NYAP2: variants seen among roughly 807,000 people sequenced by gnomAD.
The protein encoded by NYAP2 is neuronal tyrosine-phosphorylated phosphoinositide-3-kinase adapter 2.
In NYAP2, 23 loss-of-function variants were observed where a neutral mutation model predicts 50.4. That is an observed-to-expected ratio of 0.46 (90% CI 0.33 to 0.65). NYAP2 has a LOEUF of 0.65. NYAP2 is among the 30% of genes least tolerant of loss of function. NYAP2 has a pLI of 0.02. For missense variants in NYAP2, 885 were observed against 861.0 expected (o/e 1.03, Z -0.35); for synonymous variants, 394 against 365.2 (o/e 1.08, Z -0.90).
intron 3 of NYAP2, among the ~76,000 whole-genome samples, chr2:225,411,716 G>C (rs1695044480): frequency 6.6e-6 from 1 of 152,042 alleles, no homozygotes; most frequent in African/African-American, 2.4e-5. Flanking sequence ...AACCACAAAG[G>C]AGTATGATGC....
chr2:225,411,919 A>G (rs980513692), intron 3 of NYAP2, among the ~76,000 whole-genome samples: 2 of 151,280 alleles, frequency 1.3e-5, no homozygotes, highest in Non-Finnish European at 2.9e-5. Flanking sequence ...AAGGATTTGA[A>G]GCATAATATA....
At chr2:225,453,131 A>G (rs528304512) in intron 3 of NYAP2, among the ~76,000 whole-genome samples, 2 of 152,212 alleles carry the variant, frequency 1.3e-5, no homozygotes, top group Non-Finnish European at 2.9e-5. Context: ...TTAAAATCTT[A>G]CCAATGATTT....
chr2:225,451,413 AT>A (rs1304079283), intron 3 of NYAP2, among the ~76,000 whole-genome samples: 2 of 152,202 alleles, frequency 1.3e-5, no homozygotes, highest in African/African-American at 4.8e-5. Flanking sequence ...ACAAAAAATA[AT>A]TTCATTGCAG....
At chr2:225,490,280 T>A (rs937085739) in intron 3 of NYAP2, among the ~76,000 whole-genome samples, 4 of 152,156 alleles carry the variant, frequency 2.6e-5, no homozygotes, top group Non-Finnish European at 5.9e-5. Context: ...CCATTCCACA[T>A]GCAATATTGT....
At chr2:225,584,508 A>G (rs1692357375) in intron 5 of NYAP2, among the ~76,000 whole-genome samples, 1 of 152,250 alleles carries the variant, frequency 6.6e-6, no homozygotes, top group African/African-American at 2.4e-5. Context: ...GTAGGCACCT[A>G]AGCTGATAAT....
At chr2:225,554,321 C>CTT (rs751259949) in intron 4 of NYAP2, among the ~76,000 whole-genome samples, 35 of 131,638 alleles carry the variant, frequency 2.7e-4, no homozygotes, top group African/African-American at 7.0e-4. Flanking sequence ...AAACATTTAT[C>CTT]TTTTTTTTTT....
intron 4 of NYAP2, among the ~76,000 whole-genome samples, chr2:225,555,865 A>T (rs1242200165): frequency 6.6e-6 from 1 of 152,166 alleles, no homozygotes; most frequent in African/African-American, 2.4e-5. Flanking sequence ...CTTCAGTTCC[A>T]TTCACTTTGG....
intron 4 of NYAP2, among the ~76,000 whole-genome samples, chr2:225,534,838 A>G (rs952571110): frequency 6.6e-6 from 1 of 152,238 alleles, no homozygotes; most frequent in African/African-American, 2.4e-5. Flanking sequence ...ACTAACTCCC[A>G]GGGCTGAGTC....
chr2:225,582,607 A>T lies in NYAP2; in HGVS notation c.1190A>T (p.Gln397Leu). 6.3e-7 allele frequency: 1 copy of T among 1,594,378 alleles called. No homozygotes were observed. Among genetic ancestry groups the T allele is most frequent in the South Asian group, 1.1e-5 (1 of 87,786 alleles). The change falls in exon 5 of 7, where the codon CAG becomes CTG. Residue 397 changes from glutamine (Q) to leucine (L), a missense_variant. Coordinates refer to ENST00000636099, the Ensembl canonical transcript of NYAP2. The surrounding 1 kb of genome is among the most constrained non-coding windows in gnomAD (Gnocchi z 7.0). ...GGCCATGCGAAACTGGAGAAAGAGC[A>T]GGCCGCGGCCCTGGGACCTGCCTCT...
intron 3 of NYAP2, among the ~76,000 whole-genome samples, chr2:225,463,782 A>G (rs911656428): frequency 5.3e-5 from 8 of 152,224 alleles, no homozygotes; most frequent in South Asian, 4.1e-4. Flanking sequence ...GAAGAGTGGC[A>G]GGCAATAGCA....
At chr2:225,422,424 G>A (rs1044528062) in intron 3 of NYAP2, among the ~76,000 whole-genome samples, 2 of 152,114 alleles carry the variant, frequency 1.3e-5, no homozygotes, top group Admixed American at 6.5e-5. Context: ...TACATGCCAT[G>A]AGGAATTTCT....
At chr2:225,507,494 C>T (rs896063310) in intron 3 of NYAP2, among the ~76,000 whole-genome samples, 36 of 152,146 alleles carry the variant, frequency 2.4e-4, no homozygotes, top group African/African-American at 8.5e-4. Context: ...TTTTCTTTAT[C>T]GGTCCTAATC....
Position 225,461,161 on chromosome 2 carries a change from T to A in NYAP2, c.221+52060T>A, listed in dbSNP as rs1294905282. ...TGGCTCCCTCTAAATAAATGCCAGA[T>A]GCACCTTACCATTTGTTCTGTGTGT... On this transcript the variant is annotated intron_variant, in intron 3 of 6. Transcript: ENST00000636099. 2.6e-5 allele frequency among the ~76,000 whole-genome samples: 4 copies of A among 152,180 alleles called. No homozygotes were observed. In the East Asian group the frequency reaches 7.7e-4, roughly 29 times the overall value.
chr2:225,612,026 T>TAAAC (rs1692895707), intron 5 of NYAP2, among the ~76,000 whole-genome samples: 1 of 150,558 alleles, frequency 6.6e-6, no homozygotes, highest in African/African-American at 2.5e-5. Context: ...GTCACATTCT[T>TAAAC]TGTTTTCTGT....
At chr2:225,416,666 C>T (rs985100894) in intron 3 of NYAP2, among the ~76,000 whole-genome samples, 1 of 152,130 alleles carries the variant, frequency 6.6e-6, no homozygotes, top group Non-Finnish European at 1.5e-5. Flanking sequence ...GGTAAGCCTC[C>T]TTCAGTCTTC....
At chr2:225,638,516 T>C (rs1314074333) in intron 6 of NYAP2, among the ~76,000 whole-genome samples, 1 of 152,076 alleles carries the variant, frequency 6.6e-6, no homozygotes, top group Non-Finnish European at 1.5e-5. Flanking sequence ...AGAGGAACTC[T>C]GGAGGTGGCC....
chr2:225,480,946 T>C (rs1211396160), intron 3 of NYAP2, among the ~76,000 whole-genome samples: 1 of 152,148 alleles, frequency 6.6e-6, no homozygotes, highest in African/African-American at 2.4e-5. Context: ...TAATTTACAA[T>C]GTCTTTGATG....
At chr2:225,626,421 C>T (rs542829660) in intron 5 of NYAP2, among the ~76,000 whole-genome samples, 30 of 152,208 alleles carry the variant, frequency 2.0e-4, no homozygotes, top group South Asian at 1.2e-3. Context: ...GAACAGGACA[C>T]AGGAGGATGG....
At chr2:225,619,559 G>A (rs1574712498) in intron 5 of NYAP2, among the ~76,000 whole-genome samples, 1 of 152,158 alleles carries the variant, frequency 6.6e-6, no homozygotes, top group African/African-American at 2.4e-5. Flanking sequence ...CAGACCTAGC[G>A]GTAAAAGCCA....
Sources: allele counts gnomAD v4.1 joint callset (sites outside exome capture counted in the v4.1 genomes callset), GRCh38; gene constraint gnomAD v4.1.1; non-coding constraint Gnocchi (gnomAD v3.1); transcripts MANE v1.5; gene names NCBI Gene and HGNC (gene_info 2026-07-23, HGNC 2026-07-21).